The following SFTPC variants were observed in gnomAD, a reference collection of about 807,000 sequenced individuals.
SFTPC encodes the protein surfactant protein C.
In SFTPC, 12 loss-of-function variants were observed where a neutral mutation model predicts 19.9. The observed-to-expected ratio is 0.60, with a 90% confidence interval of 0.39 to 0.98. The LOEUF is 0.98. SFTPC is among the 50% of genes least tolerant of loss of function. The pLI is 0.00. For synonymous variants in SFTPC, 123 were observed against 103.3 expected (o/e 1.19, Z -1.16); for missense variants, 219 against 252.2 (o/e 0.87, Z 0.89).
chr8:22,162,380 G>A lies in SFTPC; in HGVS notation c.43-194G>A, dbSNP rs8192325. On this transcript the variant is annotated intron_variant, in intron 1 of 5. Transcript: ENST00000679463. ...AGACCCTGCTTCTAAGCTTCTATGT[G>A]TCTATGGGTTTGTTAGAATCCAGGC... 0.27 allele frequency among the ~76,000 whole-genome samples: 40,755 copies of A among 152,066 alleles called. 5,726 individuals carry two copies. Among genetic ancestry groups the A allele is most frequent in the Middle Eastern group, 0.35 (103 of 294 alleles).
At chr8:22,161,315 C>T (rs903886357), upstream of SFTPC, among the ~76,000 whole-genome samples, 2 of 152,202 alleles carry the variant, frequency 1.3e-5, no homozygotes, top group Non-Finnish European at 2.9e-5. Context: ...GATGTCAAAG[C>T]ACCTCCTGCC....
At chr8:22,161,159 G>A (rs1827701152), upstream of SFTPC, among the ~76,000 whole-genome samples, 1 of 152,252 alleles carries the variant, frequency 6.6e-6, no homozygotes, top group Admixed American at 6.5e-5. Context: ...AGTGGGGACA[G>A]AGTTTCCAGA....
chr8:22,161,126 C>T (rs762876476), upstream of SFTPC, among the ~76,000 whole-genome samples: 6 of 152,160 alleles, frequency 3.9e-5, no homozygotes, highest in Admixed American at 1.3e-4. Context: ...GGAAGCACTG[C>T]ACATGAGTAA....
chr8:22,164,243 C>G (rs558003013), intron 5 of SFTPC, 23 bp from the exon 6 acceptor site: 4 of 1,536,144 alleles, frequency 2.6e-6, no homozygotes, highest in Non-Finnish European at 3.5e-6. Context: ...TCTGTCCATC[C>G]TCAACATTCC....
In SFTPC at chr8:22,162,942, C is replaced by G. The variant is rs1047841808; in HGVS notation, c.202-138C>G. ...CAGCAGGACAGCCAGCTCCCTCCAGCACCTGGTTCCACTCAGCCTCCCTGA... is the reference window on the plus strand; with the variant it reads ...CAGCAGGACAGCCAGCTCCCTCCAGGACCTGGTTCCACTCAGCCTCCCTGA... On this transcript the variant is annotated intron_variant, in intron 2 of 5. Coordinates refer to ENST00000679463, the MANE Select transcript of SFTPC (RefSeq NM_001317778.2). 2.2e-6 allele frequency: 3 copies of G among 1,377,656 alleles called. No individual in the cohort carries two copies. The African/African-American group carries it at 4.3e-5, about 20-fold the overall frequency. 85.3% of individuals were successfully genotyped at this position (1,377,656 alleles called of 1,614,324 possible). A position where few individuals can be genotyped will look rare whatever the true frequency, so the allele number is the denominator to read the frequency against.
chr8:22,162,553 T>G, intron 1 of SFTPC, 21 bp from the exon 2 acceptor site: 3 of 1,612,698 alleles, frequency 1.9e-6, no homozygotes, highest in Non-Finnish European at 2.5e-6. Context: ...GCCTGTCTCC[T>G]TGCCTGCCCC....
chr8:22,157,396 G>T (rs762790083), upstream of SFTPC: 2 of 183,698 alleles, frequency 1.1e-5, no homozygotes, highest in Non-Finnish European at 2.3e-5. Context: ...CCAGCCCTTT[G>T]TCTAACAAAT....
chr8:22,163,642 G>A, intron 4 of SFTPC, 96 bp downstream of exon 4: 2 of 906,090 alleles, frequency 2.2e-6, no homozygotes, highest in Non-Finnish European at 3.6e-6. Context: ...GTAAAGCACT[G>A]TTCCTCATTG....
intron 1 of SFTPC, 53 bp from the exon 2 acceptor site, chr8:22,162,521 G>C (rs1437528555): frequency 6.2e-7 from 1 of 1,600,754 alleles, no homozygotes; most frequent in East Asian, 2.2e-5. Flanking sequence ...AGGGAGAAGA[G>C]GGGACAGCCT....
rs749232449 is a variant in SFTPC at position 22,162,591 on chromosome 8, C to T, written c.60C>T (p.Pro20=). The T allele has an allele frequency of 6.2e-6, 10 of 1,613,992 alleles. No individual in the cohort carries two copies. Among genetic ancestry groups the T allele is most frequent in the Non-Finnish European group, 8.5e-6 (10 of 1,179,988 alleles). ...MESPPDYSAA[P]RGRFGIPCCP... ...CGTGTCAGGACTACTCCGCAGCTCC[C>T]CGGGGCCGATTTGGCATTCCCTGCT... is the stretch of plus-strand genomic sequence containing the variant. The change falls in exon 2 of 6, where the codon CCC becomes CCT. Residue 20 remains proline, a synonymous_variant. Transcript: ENST00000679463.
upstream of SFTPC, among the ~76,000 whole-genome samples, chr8:22,160,186 A>G (rs8192338): frequency 0.055 from 8,360 of 152,196 alleles, 442 homozygotes; most frequent in Non-Finnish European, 0.07. Context: ...TTCAGATGCC[A>G]TGCTGTTATG....
chr8:22,160,978 G>C (rs543221202), upstream of SFTPC, among the ~76,000 whole-genome samples: 1 of 152,072 alleles, frequency 6.6e-6, no homozygotes, highest in Non-Finnish European at 1.5e-5. Flanking sequence ...GAGCTGATTC[G>C]AGGATGGGGA....
At chr8:22,160,126 C>T (rs78910836), upstream of SFTPC, among the ~76,000 whole-genome samples, 52 of 152,344 alleles carry the variant, frequency 3.4e-4, no homozygotes, top group Non-Finnish European at 6.6e-4. Context: ...GTGGTGGGAG[C>T]AAACACTTCC....
Position 22,163,185 on chromosome 8 carries a change from G to T in SFTPC, c.307G>T (p.Val103Leu). 1 of 1,614,210 alleles carries T rather than the reference G, an allele frequency of 6.2e-7. No homozygotes were observed. The highest frequency in any genetic ancestry group is 8.5e-7 in the Non-Finnish European group (1 of 1,180,042). ...TFSIGSTGLV[V>L]YDYQQLLIAY... The stretch of plus-strand genomic sequence containing the variant: ...CTCCATCGGCTCCACTGGCCTCGTG[G>T]TGTATGACTACCAGCAGGTGGGTAT... The change falls in exon 3 of 6, where the codon GTG becomes TTG. Residue 103 changes from valine to leucine, a missense_variant. Val to Leu is a conservative substitution (Grantham distance 32, BLOSUM62 1). Coordinates refer to ENST00000679463, the MANE Select transcript of SFTPC (RefSeq NM_001317778.2).
chr8:22,163,302 C>A, intron 3 of SFTPC, 100 bp downstream of exon 3: 1 of 1,571,710 alleles, frequency 6.4e-7, no homozygotes, highest in South Asian at 1.1e-5. Context: ...TCCCTCTCCT[C>A]CAGACCTTTT....
At chr8:22,158,539 C>T (rs1294921615), upstream of SFTPC, 2 of 152,222 alleles carry the variant, frequency 1.3e-5, no homozygotes, top group African/African-American at 4.8e-5. Flanking sequence ...AGGGAGTCAA[C>T]CCAGAAACAG....
chr8:22,161,896 TATGTGTGCGCGCGCAC>T (rs1323517069), intron 1 of SFTPC, 26 bp downstream of exon 1: 1 of 1,609,188 alleles, frequency 6.2e-7, no homozygotes, highest in Admixed American at 1.7e-5. Context: ...TGTGTGTATG[TATGTGTGCGCGCGCAC>T]ATGTGTGTGA....
At chr8:22,161,909 G>C in intron 1 of SFTPC, 39 bp downstream of exon 1, 1 of 1,565,800 alleles carries the variant, frequency 6.4e-7, no homozygotes, top group Non-Finnish European at 8.8e-7. Context: ...GTGTGCGCGC[G>C]CACATGTGTG....
At position 22,162,623 on chromosome 8, in the gene SFTPC, T is replaced by C. The variant is rs1443130935; in HGVS notation, c.92T>C (p.Val31Ala). The C allele has an allele frequency of 6.2e-7, 1 of 1,614,184 alleles. No homozygotes were observed. The change falls in exon 2 of 6, where the codon GTG becomes GCG. Residue 31 changes from valine (V) to alanine (A), a missense_variant. Physicochemically the swap from Val to Ala is moderately conservative, Grantham distance 64. Coordinates refer to ENST00000679463, the MANE Select transcript of SFTPC (RefSeq NM_001317778.2). ...CGATTTGGCATTCCCTGCTGCCCAG[T>C]GCACCTGAAACGCCTTCTTATCGTG... ...RGRFGIPCCP[V>A]HLKRLLIVVV... is the part of the protein sequence containing the mutation.
Sources: gnomAD v4.1 joint callset for allele counts (sites outside exome capture counted in the v4.1 genomes callset) on GRCh38, gnomAD v4.1.1 for gene constraint, MANE v1.5 for transcripts, NCBI Gene and HGNC (gene_info 2026-07-23, HGNC 2026-07-21) for gene names.